The following TNFSF11 variants were observed in gnomAD, a reference collection of about 807,000 sequenced individuals.
The protein encoded by TNFSF11 is TNF superfamily member 11.
In TNFSF11, 12 loss-of-function variants were observed where a neutral mutation model predicts 32.2. The ratio of observed to expected loss-of-function variants is 0.37; its 90% CI spans 0.24 to 0.60. TNFSF11 has a LOEUF of 0.60. TNFSF11 is among the 20% of genes least tolerant of loss of function. The pLI, the probability that TNFSF11 is intolerant of heterozygous loss-of-function variation, is 0.66. For synonymous variants in TNFSF11, 172 were observed against 152.1 expected (o/e 1.13, Z -0.96); for missense variants, 345 against 398.0 (o/e 0.87, Z 1.13).
intron 1 of TNFSF11, among the ~76,000 whole-genome samples, chr13:42,563,295 C>T (rs1872739158): frequency 6.6e-6 from 1 of 152,168 alleles, no homozygotes; most frequent in African/African-American, 2.4e-5. Context: ...CTTGGGCCTC[C>T]TCTTTTAATT....
rs114785122 is a variant in TNFSF11 at position 42,592,797 on chromosome 13, C to T, written c.388-7955C>T. 5.6e-3 allele frequency among the ~76,000 whole-genome samples: 856 copies of T among 152,210 alleles called. 6 individuals are homozygous for T. The highest frequency in any genetic ancestry group is 0.019 in the African/African-American group (796 of 41,506). ...TGGGGGGTGGTTCCCCCATGCTGTT[C>T]TCATGGTAGTGAATCTCATGAGATC... On this transcript the variant is annotated intron_variant, in intron 2 of 4. Transcript: ENST00000398795.
intron 2 of TNFSF11, among the ~76,000 whole-genome samples, chr13:42,582,378 T>C (rs1274976058): frequency 3.3e-5 from 5 of 152,212 alleles, no homozygotes; most frequent in African/African-American, 1.2e-4. Context: ...AAGGTAAACG[T>C]CTGTAACACC....
chr13:42,588,169 A>C (rs1425609448), intron 2 of TNFSF11, among the ~76,000 whole-genome samples: 5 of 152,244 alleles, frequency 3.3e-5, no homozygotes, highest in Non-Finnish European at 7.3e-5. Context: ...TTTAGCGTTT[A>C]TAAAAGCTGT....
intron 4 of TNFSF11, among the ~76,000 whole-genome samples, chr13:42,603,052 C>A (rs527274448): frequency 1.3e-5 from 2 of 152,260 alleles, no homozygotes; most frequent in South Asian, 2.1e-4. Flanking sequence ...TGGCTGGGCC[C>A]ACAACTCCTT....
intron 1 of TNFSF11, among the ~76,000 whole-genome samples, chr13:42,563,556 G>A (rs116933833): frequency 8.6e-5 from 13 of 151,928 alleles, no homozygotes; most frequent in Non-Finnish European, 1.6e-4. Flanking sequence ...CCAGCTACTC[G>A]GGGGACTGAA....
intron 2 of TNFSF11, among the ~76,000 whole-genome samples, chr13:42,583,415 G>C (rs1163259972): frequency 2.9e-4 from 1 of 3,466 alleles, no homozygotes; most frequent in Non-Finnish European, 7.4e-4. Flanking sequence ...GCAAGACCCT[G>C]CTAAAAAAAA....
rs186758177 is a variant in TNFSF11 at position 42,600,919 on chromosome 13, G to C, written c.470G>C (p.Arg157Thr). The C allele has an allele frequency of 1.2e-6, 2 of 1,614,086 alleles. No homozygotes were observed. The highest frequency in any genetic ancestry group is 4.5e-5 in the East Asian group (2 of 44,884). ...GGCTCATGGTTAGATCTGGCCAAGAGGAGCAAGCTTGAAGCTCAGCCTTTT... is the reference window on the plus strand; with the variant it reads ...GGCTCATGGTTAGATCTGGCCAAGACGAGCAAGCTTGAAGCTCAGCCTTTT... ...VDGSWLDLAKRSKLEAQPFAH... is the reference protein window; with the variant it reads ...VDGSWLDLAKTSKLEAQPFAH... The change falls in exon 4 of 5, where the codon AGG becomes ACG. Residue 157 changes from arginine to threonine, a missense_variant. This residue lies in a region of TNFSF11 where 148 missense variants were observed against 216.0 expected (regional missense o/e 0.69). Transcript: ENST00000398795.
At chr13:42,568,423 G>A (rs184004864) in intron 2 of TNFSF11, among the ~76,000 whole-genome samples, 1 of 152,274 alleles carries the variant, frequency 6.6e-6, no homozygotes, top group East Asian at 1.9e-4. Flanking sequence ...TAAGTTAAGG[G>A]GGTAAGGCAG....
At chr13:42,573,171 T>C (rs1873131981), upstream of TNFSF11, among the ~76,000 whole-genome samples, 1 of 152,168 alleles carries the variant, frequency 6.6e-6, no homozygotes, top group Non-Finnish European at 1.5e-5. Context: ...CTTTTTTTTT[T>C]TTTCAAATAT....
intron 4 of TNFSF11, among the ~76,000 whole-genome samples, chr13:42,601,575 T>C (rs1488060045): frequency 4.6e-5 from 7 of 152,204 alleles, no homozygotes; most frequent in Non-Finnish European, 1.0e-4. Context: ...AATACACCAG[T>C]TATTCCATCA....
Position 42,601,035 on chromosome 13 carries a change from C to T in TNFSF11, c.532+54C>T, listed in dbSNP as rs976199628. The T allele has an allele frequency of 1.1e-5, 18 of 1,590,444 alleles. No individual in the cohort carries two copies. In the African/African-American group the frequency reaches 1.7e-4, roughly 15 times the overall value. On this transcript the variant is annotated intron_variant, in intron 4 of 4. Coordinates refer to ENST00000398795, the MANE Select transcript of TNFSF11 (RefSeq NM_003701.4). ...AATATTTTAAGAGTCATTTATCAGC[C>T]CATTTCAATACTGAAACCTATTTTT...
intron 4 of TNFSF11, among the ~76,000 whole-genome samples, 181 bp from the exon 5 acceptor site, chr13:42,606,316 C>T (rs1485944109): frequency 6.6e-6 from 1 of 152,240 alleles, no homozygotes; most frequent in Non-Finnish European, 1.5e-5. Flanking sequence ...CTGTGCCTAA[C>T]AGAATGCACC....
chr13:42,589,825 T>TTGAATGGA lies in TNFSF11; in HGVS notation c.387+8555_387+8562dup, dbSNP rs532598278. On this transcript the variant is annotated intron_variant, in intron 2 of 4. Coordinates refer to ENST00000398795, the MANE Select transcript of TNFSF11 (RefSeq NM_003701.4). Reference sequence around the variant, plus strand: ...TCCTAGCCTCCATCGGTAAACTTTGTTGAATGGATGAATGGATGAATGGAT... The same window carrying TTGAATGGA: ...TCCTAGCCTCCATCGGTAAACTTTGTTGAATGGATGAATGGATGAATGGATGAATGGAT... Among the ~76,000 whole-genome samples the TTGAATGGA allele has an allele frequency of 2.6e-4, 40 of 152,358 alleles. 1 individual carries two copies. Among genetic ancestry groups the TTGAATGGA allele is most frequent in the Admixed American group, 1.5e-3 (23 of 15,302 alleles).
intron 1 of TNFSF11, among the ~76,000 whole-genome samples, chr13:42,577,400 G>A (rs1237237768): frequency 1.3e-5 from 2 of 151,988 alleles, no homozygotes; most frequent in Admixed American, 6.6e-5. Flanking sequence ...TACTAGATCC[G>A]GTGTAGCTTG....
rs202234130 is a variant in TNFSF11, at chr13:42,607,969, A to G, written c.*1051A>G. The G allele has an allele frequency of 2.0e-5, 3 of 152,722 alleles. No individual in the cohort carries two copies. The highest frequency in any genetic ancestry group is 4.4e-5 in the Non-Finnish European group (3 of 68,022). 9.5% of individuals were successfully genotyped at this position (152,722 alleles called of 1,614,324 possible). On this transcript the variant is annotated 3_prime_UTR_variant, in exon 5 of 5. Transcript: ENST00000398795. ...CTGTACAATAAAAACATTGCCTTTG[A>G]ATGTTAATTTTTTGGTACAAAAATA...
chr13:42,574,282 C>A lies in TNFSF11; in HGVS notation c.-22C>A. On this transcript the variant is annotated 5_prime_UTR_variant, in exon 1 of 5. Coordinates refer to ENST00000398795, the MANE Select transcript of TNFSF11 (RefSeq NM_003701.4). ...GGGAGCGGGAGAGGGAGGAGAGCTC[C>A]GAAGCGAGAGGGCCGAGCGCCATGC... 6.5e-7 allele frequency: 1 copy of A among 1,546,046 alleles called. No individual in the cohort carries two copies. Among genetic ancestry groups the A allele is most frequent in the Non-Finnish European group, 8.7e-7 (1 of 1,145,670 alleles).
In TNFSF11 at chr13:42,607,552, T is replaced by C. The variant is rs952097749; in HGVS notation, c.*634T>C. On this transcript the variant is annotated 3_prime_UTR_variant, in exon 5 of 5. Coordinates refer to ENST00000398795, the MANE Select transcript of TNFSF11 (RefSeq NM_003701.4). ...TAACTGGTGCACTTTGTAAATTCCC[T>C]GGGGAAAACTTGCAGCTAAGGAGGG... 6.5e-6 allele frequency: 1 copy of C among 152,798 alleles called. No individual in the cohort carries two copies. Among genetic ancestry groups the C allele is most frequent in the African/African-American group, 2.4e-5 (1 of 41,452 alleles). 9.5% of individuals were successfully genotyped at this position (152,798 alleles called of 1,614,324 possible). A position where few individuals can be genotyped will look rare whatever the true frequency, so the allele number is the denominator to read the frequency against.
chr13:42,564,814 G>A (rs1872810835), intron 1 of TNFSF11, among the ~76,000 whole-genome samples: 1 of 152,164 alleles, frequency 6.6e-6, no homozygotes. Context: ...TAGTTTCAGT[G>A]CAACTCTTGT....
chr13:42,583,442 AG>A (rs1555309328), intron 2 of TNFSF11, among the ~76,000 whole-genome samples: 4 of 102,328 alleles, frequency 3.9e-5, no homozygotes, highest in African/African-American at 1.2e-4. Flanking sequence ...AAAAAAAGAA[AG>A]GAAGAAAGGA....
Sources: allele counts gnomAD v4.1 joint callset (sites outside exome capture counted in the v4.1 genomes callset), GRCh38; gene constraint gnomAD v4.1.1; regional missense constraint gnomAD v4.1.1; transcripts MANE v1.5; gene names NCBI Gene and HGNC (gene_info 2026-07-23, HGNC 2026-07-21).